The following LRRC57 variants were observed in gnomAD, a reference collection of about 807,000 sequenced individuals.
LRRC57 encodes leucine rich repeat containing 57.
In LRRC57, 14 loss-of-function variants were observed where a neutral mutation model predicts 23.1. The observed-to-expected ratio is 0.61, with a 90% CI of 0.40 to 0.95. LRRC57 has a LOEUF of 0.95. Ranked by LOEUF, LRRC57 falls within the 40% of genes least tolerant of loss-of-function variation. The pLI, the probability that LRRC57 is intolerant of heterozygous loss-of-function variation, is 0.00. For missense variants in LRRC57, 236 were observed against 284.4 expected (o/e 0.83, Z 1.22); for synonymous variants, 106 against 115.2 (o/e 0.92, Z 0.51).
the LRRC57 span, among the ~76,000 whole-genome samples, chr15:42,529,077 A>G: frequency 1.3e-5 from 2 of 152,220 alleles, no homozygotes; most frequent in African/African-American, 2.4e-5. Flanking sequence ...CGAGCCAGAG[A>G]GTTAATATTT....
intron 5 of LRRC57, among the ~76,000 whole-genome samples, chr15:42,544,815 TCACACACACA>T (rs202009649): frequency 1.5e-5 from 2 of 131,820 alleles, no homozygotes; most frequent in Non-Finnish European, 3.1e-5. Context: ...AGACCCTGTC[TCACACACACA>T]CACACACACA....
Position 42,544,033 on chromosome 15 carries a change from C to A in LRRC57, c.*50G>T, listed in dbSNP as rs1269877709. 3.9e-6 allele frequency: 6 copies of A among 1,535,620 alleles called. No homozygotes were observed. In the African/African-American group the frequency reaches 6.9e-5, roughly 18 times the overall value. On this transcript the variant is annotated 3_prime_UTR_variant, in exon 6 of 6. Coordinates refer to ENST00000397130, the MANE Select transcript of LRRC57 (RefSeq NM_153260.3). The stretch of plus-strand genomic sequence containing the variant: ...AGGCTTTGACTCAGCCACATTCCAA[C>A]AGAGGTTCTAAGTCAGTATCCTGTA...
rs1210877336 is a variant in LRRC57 at position 42,548,097 on chromosome 15, G to C, written c.223+9C>G. On this transcript the variant is annotated intron_variant, in intron 3 of 5. Transcript: ENST00000397130. ...TCACTAGCAAAAGCCTCCCTGGCGA[G>C]AGCCATACTCAGTTTGTTGTTGTTC... 6.2e-7 allele frequency: 1 copy of C among 1,613,992 alleles called. No homozygotes were observed. Among genetic ancestry groups the C allele is most frequent in the Non-Finnish European group, 8.5e-7 (1 of 1,179,920 alleles).
In LRRC57 at chr15:42,547,348, C is replaced by T. The variant is rs764459088; in HGVS notation, c.405G>A (p.Val135=). ...GAATCTGGTTCTTAGAGAGATCCAT[C>T]ACATCCAGGTGCCGTAGGCTACAAA... ...PQLCSLRHLD[V]MDLSKNQIRS... Residue 135 remains valine (V), a synonymous_variant, in exon 4 of 6, where the codon GTG becomes GTA. Transcript: ENST00000397130. The T allele has an allele frequency of 3.1e-6, 5 of 1,614,100 alleles. No individual in the cohort carries two copies. The highest frequency in any genetic ancestry group is 2.2e-5 in the East Asian group (1 of 44,898).
At chr15:42,548,628 T>C (rs1336126404) in intron 1 of LRRC57, 65 bp downstream of exon 1, 3 of 641,698 alleles carry the variant, frequency 4.7e-6, no homozygotes, top group Admixed American at 5.9e-5. Flanking sequence ...CCTGCCGCCT[T>C]TGCAGCTCTG....
the LRRC57 span, chr15:42,529,735 C>T: frequency 1.2e-6 from 2 of 1,613,938 alleles, no homozygotes; most frequent in Non-Finnish European, 1.7e-6. Context: ...TGGGCAGTAT[C>T]CTGGGAAATC....
At position 42,548,110 on chromosome 15, in the gene LRRC57, TTTG is replaced by T. The variant is rs1237999298; in HGVS notation, c.216_218del (p.Asn72del). 2.5e-6 allele frequency: 4 copies of T among 1,614,054 alleles called. No individual in the cohort carries two copies. The highest frequency in any genetic ancestry group is 1.7e-6 in the Non-Finnish European group (2 of 1,179,950). ...CCTCCCTGGCGAGAGCCATACTCAG[TTTG>T]TTGTTGTTCAGGGAGAGGCTCTTCA... On this transcript the variant is annotated inframe_deletion, in exon 3 of 6. Coordinates refer to ENST00000397130, the MANE Select transcript of LRRC57 (RefSeq NM_153260.3).
chr15:42,545,286 A>T, intron 4 of LRRC57, 24 bp from the exon 5 acceptor site: 1 of 1,528,850 alleles, frequency 6.5e-7, no homozygotes. Context: ...ACAAAAGAAT[A>T]ACAGGAAAAA....
chr15:42,529,740 G>A, the LRRC57 span: 1 of 1,614,080 alleles, frequency 6.2e-7, no homozygotes, highest in South Asian at 1.1e-5. Context: ...AGTATCCTGG[G>A]AAATCTAAAA....
rs1180301575 is a variant in LRRC57 at position 42,545,123 on chromosome 15, T to C, written c.632A>G (p.Asn211Ser). 1 of 1,607,878 alleles carries C rather than the reference T, an allele frequency of 6.2e-7. No individual in the cohort carries two copies. The highest frequency in any genetic ancestry group is 8.5e-7 in the Non-Finnish European group (1 of 1,177,626). Residue 211 changes from asparagine to serine, a missense_variant, in exon 5 of 6, where the codon AAT (asparagine) becomes AGT (serine). Physicochemically the swap from Asn to Ser is conservative, Grantham distance 46 (BLOSUM62 1). Transcript: ENST00000397130. ...SQICLLAVEGNLFEIKKLREL... is the reference protein window; with the variant it reads ...SQICLLAVEGSLFEIKKLREL... ...TCGAAGTTTCTTTATTTCAAAAAGA[T>C]TGCCTTCCACAGCAAGCAGACAGAT...
chr15:42,528,491 G>A, the LRRC57 span: 2 of 1,370,452 alleles, frequency 1.5e-6, no homozygotes, highest in East Asian at 4.6e-5. Flanking sequence ...GAGTTTAGCA[G>A]TACATGACCC....
In LRRC57 at chr15:42,548,725, G is replaced by T. The variant is rs767298901; in HGVS notation, c.-55C>A. The T allele has an allele frequency of 6.5e-5, 42 of 650,792 alleles. No individual in the cohort carries two copies. Among genetic ancestry groups the T allele is most frequent in the Non-Finnish European group, 9.2e-5 (35 of 381,498 alleles). The allele number at this position is 650,792 out of a possible 1,614,324, so 40.3% of individuals were successfully genotyped here. On this transcript the variant is annotated 5_prime_UTR_variant, in exon 1 of 6. It adds an upstream start codon to the 5' untranslated region. Transcript: ENST00000397130. Reference sequence around the variant, plus strand: ...CGCTCAGCTGCCGTAAGGCTCCGCAGGTGAAGACCCAGGACCCGCAGTAGC... The same window carrying T: ...CGCTCAGCTGCCGTAAGGCTCCGCATGTGAAGACCCAGGACCCGCAGTAGC...
chr15:42,534,316 A>C (rs1315994359), downstream of LRRC57, among the ~76,000 whole-genome samples: 1 of 152,034 alleles, frequency 6.6e-6, no homozygotes, highest in African/African-American at 2.4e-5. Flanking sequence ...TCTTTAGTAG[A>C]GACAGGGTTT....
downstream of LRRC57, among the ~76,000 whole-genome samples, chr15:42,535,948 CA>C (rs531000880): frequency 4.2e-3 from 646 of 152,176 alleles, 3 homozygotes; most frequent in African/African-American, 0.015. Context: ...TGTGGTGGTG[CA>C]TATCTATAGT....
chr15:42,535,823 GA>G (rs1208454424), downstream of LRRC57, among the ~76,000 whole-genome samples: 1 of 152,172 alleles, frequency 6.6e-6, no homozygotes, highest in Non-Finnish European at 1.5e-5. Flanking sequence ...AAGTGATAAG[GA>G]ATGGCTAGTT....
rs1232765360 is a variant in LRRC57 at position 42,539,672 on chromosome 15, G to C, written c.*4411C>G. ...TGGACTAGTGGCCAGATTCAAATCT[G>C]GGTCTTTAGACCACAAGCTAGTTTA... is the stretch of plus-strand genomic sequence containing the variant. On this transcript the variant is annotated 3_prime_UTR_variant, in exon 6 of 6. Transcript: ENST00000397130. 2 of 151,988 alleles carry C rather than the reference G, an allele frequency of 1.3e-5. No homozygotes were observed. The highest frequency in any genetic ancestry group is 1.9e-4 in the East Asian group (1 of 5,182). 9.4% of individuals were successfully genotyped at this position (151,988 alleles called of 1,614,324 possible).
chr15:42,534,559 G>C (rs1421307933), downstream of LRRC57, among the ~76,000 whole-genome samples: 5 of 152,150 alleles, frequency 3.3e-5, no homozygotes, highest in Non-Finnish European at 1.5e-5. Flanking sequence ...ATCCTTTCCA[G>C]AGGGTTTTCA....
intron 4 of LRRC57, among the ~76,000 whole-genome samples, chr15:42,545,638 T>C (rs2057655446): frequency 6.6e-6 from 1 of 152,172 alleles, no homozygotes; most frequent in Non-Finnish European, 1.5e-5. Flanking sequence ...TTACTGCCAA[T>C]GTTTTATGTG....
chr15:42,539,495 AAAAG>A lies in LRRC57; in HGVS notation c.*4584_*4587del, dbSNP rs1195756755. The A allele has an allele frequency of 6.6e-6, 1 of 150,792 alleles. No individual in the cohort carries two copies. Among genetic ancestry groups the A allele is most frequent in the African/African-American group, 2.4e-5 (1 of 40,994 alleles). 9.3% of individuals were successfully genotyped at this position (150,792 alleles called of 1,614,324 possible). On this transcript the variant is annotated 3_prime_UTR_variant, in exon 6 of 6. Transcript: ENST00000397130. Reference sequence around the variant, plus strand: ...TCTGTCTCAAAAAAAAAAAAAAAAAAAAAGAGACTTAAAAGCCAGGCAGTGGCTC... The same window carrying A: ...TCTGTCTCAAAAAAAAAAAAAAAAAAAGACTTAAAAGCCAGGCAGTGGCTC...
Sources: allele counts gnomAD v4.1 joint callset (sites outside exome capture counted in the v4.1 genomes callset), GRCh38; gene constraint gnomAD v4.1.1; transcripts MANE v1.5; gene names NCBI Gene and HGNC (gene_info 2026-07-23, HGNC 2026-07-21).